The following CERS6 variants were observed in gnomAD, a reference collection of about 807,000 sequenced individuals.
CERS6 encodes the protein LAG1 homolog, ceramide synthase 6.
In CERS6, 26 loss-of-function variants were observed where a neutral mutation model predicts 56.8. The ratio of observed to expected loss-of-function variants is 0.46; its 90% CI spans 0.34 to 0.63. The LOEUF is 0.63. CERS6 is among the 30% of genes least tolerant of loss of function. The pLI is 0.01. For missense variants in CERS6, 415 were observed against 467.5 expected (o/e 0.89, Z 1.04); for synonymous variants, 164 against 173.3 (o/e 0.95, Z 0.42).
In CERS6 at chr2:168,583,282, T is replaced by C. The variant is rs552928052; in HGVS notation, c.407+21960T>C. On this transcript the variant is annotated intron_variant, in intron 3 of 9. Transcript: ENST00000305747. The stretch of plus-strand genomic sequence containing the variant: ...AGTAGTGTGTGTTGATTGACGGGCA[T>C]GTCCTTTTGGCAAAGAGAGACTCCA... Among the ~76,000 whole-genome samples the C allele has an allele frequency of 3.2e-4, 49 of 152,258 alleles. No individual in the cohort carries two copies. The South Asian group carries it at 6.9e-3, about 21-fold the overall frequency.
At chr2:168,715,707 A>G (rs893326639) in intron 7 of CERS6, among the ~76,000 whole-genome samples, 1 of 152,164 alleles carries the variant, frequency 6.6e-6, no homozygotes, top group Non-Finnish European at 1.5e-5. Flanking sequence ...TAAAATAAAT[A>G]AATATGTTCT....
At chr2:168,459,679 G>A (rs1013682868) in intron 1 of CERS6, among the ~76,000 whole-genome samples, 2 of 151,706 alleles carry the variant, frequency 1.3e-5, no homozygotes, top group African/African-American at 4.8e-5. Context: ...AATAAAAATT[G>A]TATACCATTA....
At chr2:168,703,898 T>C (rs1440070051) in intron 6 of CERS6, among the ~76,000 whole-genome samples, 1 of 152,206 alleles carries the variant, frequency 6.6e-6, no homozygotes, top group East Asian at 1.9e-4. Flanking sequence ...CTCACTGCTG[T>C]GTCTTCAGAA....
intron 3 of CERS6, among the ~76,000 whole-genome samples, chr2:168,598,088 A>G (rs1263931154): frequency 6.6e-6 from 1 of 152,218 alleles, no homozygotes; most frequent in Non-Finnish European, 1.5e-5. Flanking sequence ...GTGATATCTA[A>G]TACAAACAAT....
At chr2:168,554,458 G>A (rs1463285974) in intron 2 of CERS6, among the ~76,000 whole-genome samples, 1 of 152,068 alleles carries the variant, frequency 6.6e-6, no homozygotes, top group East Asian at 1.9e-4. Flanking sequence ...CAATATGCCG[G>A]GTGTCCATAT....
chr2:168,718,568 G>A (rs1201615807), intron 8 of CERS6, among the ~76,000 whole-genome samples: 1 of 152,114 alleles, frequency 6.6e-6, no homozygotes, highest in Admixed American at 6.6e-5. Flanking sequence ...TAACCAAATA[G>A]AGTCTTTGAA....
intron 1 of CERS6, among the ~76,000 whole-genome samples, chr2:168,535,723 G>T: frequency 7.7e-6 from 1 of 130,426 alleles, no homozygotes; most frequent in Non-Finnish European, 1.6e-5. Flanking sequence ...ATGTCTATTG[G>T]TCATTTGTTA....
chr2:168,707,183 A>C (rs1201279530), intron 6 of CERS6, among the ~76,000 whole-genome samples: 1 of 152,186 alleles, frequency 6.6e-6, no homozygotes, highest in African/African-American at 2.4e-5. Flanking sequence ...TCTTTAAACC[A>C]ATTAATTTCA....
intron 4 of CERS6, among the ~76,000 whole-genome samples, chr2:168,672,357 A>G (rs916876997): frequency 6.6e-5 from 10 of 152,232 alleles, no homozygotes; most frequent in African/African-American, 2.4e-4. Context: ...TTGGCAAGTA[A>G]TAAGTGAAAC....
intron 4 of CERS6, among the ~76,000 whole-genome samples, chr2:168,659,396 C>A (rs185547193): frequency 2.8e-4 from 43 of 152,270 alleles, no homozygotes; most frequent in African/African-American, 1.0e-3. Context: ...CTAAGCACTT[C>A]TTGTATATAT....
chr2:168,464,091 T>C (rs1693825026), intron 1 of CERS6, among the ~76,000 whole-genome samples: 1 of 152,078 alleles, frequency 6.6e-6, no homozygotes, highest in Non-Finnish European at 1.5e-5. Flanking sequence ...TGTAAGAAAT[T>C]GGTGGCCTTC....
At chr2:168,769,352 A>G (rs902142413) in intron 9 of CERS6, among the ~76,000 whole-genome samples, 158 bp from the exon 10 acceptor site, 3 of 152,316 alleles carry the variant, frequency 2.0e-5, no homozygotes, top group Non-Finnish European at 2.9e-5. Context: ...TATCTCTCCA[A>G]TGAAGGGGAA....
chr2:168,685,517 T>C (rs1311641961), intron 4 of CERS6, among the ~76,000 whole-genome samples: 1 of 152,222 alleles, frequency 6.6e-6, no homozygotes, highest in Non-Finnish European at 1.5e-5. Context: ...TATCAGACCT[T>C]ATCTGTTTTT....
chr2:168,700,620 G>T (rs563330152), intron 6 of CERS6, among the ~76,000 whole-genome samples: 1 of 152,196 alleles, frequency 6.6e-6, no homozygotes, highest in Admixed American at 6.5e-5. Flanking sequence ...AACATTATGG[G>T]TGCAATATGG....
At chr2:168,544,676 A>G (rs1695431543) in intron 1 of CERS6, among the ~76,000 whole-genome samples, 1 of 152,080 alleles carries the variant, frequency 6.6e-6, no homozygotes, top group East Asian at 1.9e-4. Flanking sequence ...GTGGACCGGC[A>G]CCAGGCCTGG....
At chr2:168,618,410 G>A (rs911168236) in intron 3 of CERS6, among the ~76,000 whole-genome samples, 2 of 152,094 alleles carry the variant, frequency 1.3e-5, no homozygotes, top group Non-Finnish European at 2.9e-5. Context: ...GAAATAAAAG[G>A]CATCCAAATC....
At chr2:168,520,060 A>G (rs554647285) in intron 1 of CERS6, among the ~76,000 whole-genome samples, 1 of 152,318 alleles carries the variant, frequency 6.6e-6, no homozygotes, top group East Asian at 1.9e-4. Flanking sequence ...GTGTATAAGC[A>G]TTCCATTTGC....
chr2:168,723,369 C>T (rs1433936351), intron 8 of CERS6, among the ~76,000 whole-genome samples: 5 of 152,156 alleles, frequency 3.3e-5, no homozygotes, highest in South Asian at 2.1e-4. Flanking sequence ...GACCCTGGAA[C>T]GATATACAGT....
chr2:168,481,373 C>G (rs537182089), intron 1 of CERS6, among the ~76,000 whole-genome samples: 47 of 152,206 alleles, frequency 3.1e-4, no homozygotes, highest in Non-Finnish European at 5.6e-4. Flanking sequence ...GAGACTGTGC[C>G]ACTGCACTCC....
Sources: gnomAD v4.1 joint callset for allele counts (sites outside exome capture counted in the v4.1 genomes callset) on GRCh38, gnomAD v4.1.1 for gene constraint, MANE v1.5 for transcripts, NCBI Gene and HGNC (gene_info 2026-07-23, HGNC 2026-07-21) for gene names.